Variants in EXOC4 observed in about 807,000 individuals in gnomAD.
EXOC4 encodes the protein exocyst complex component 4, also known as SEC8-like 1.
EXOC4 carries 71 observed loss-of-function variants against 107.2 expected under a neutral mutation model. That is an observed-to-expected ratio of 0.66 (90% CI 0.55 to 0.81). The LOEUF (loss-of-function observed/expected upper bound fraction) is 0.81. Ranked by LOEUF, EXOC4 falls within the 30% of genes least tolerant of loss-of-function variation. The pLI is 0.00. For synonymous variants in EXOC4, 456 were observed against 441.2 expected (o/e 1.03, Z -0.42); for missense variants, 1,108 against 1,189.6 (o/e 0.93, Z 1.01).
At chr7:134,039,331 C>A (rs1053214268) in intron 17 of EXOC4, among the ~76,000 whole-genome samples, 9 of 151,942 alleles carry the variant, frequency 5.9e-5, no homozygotes, top group Admixed American at 5.9e-4. Context: ...GTCCATAAAC[C>A]CCCAAAATTA....
chr7:133,391,604 T>A (rs560510811), intron 7 of EXOC4, among the ~76,000 whole-genome samples: 1 of 152,278 alleles, frequency 6.6e-6, no homozygotes, highest in African/African-American at 2.4e-5. Context: ...TGTTTAGGAA[T>A]GAGCATGGAA....
chr7:134,094,442 T>C, the EXOC4 span, among the ~76,000 whole-genome samples: 43 of 152,054 alleles, frequency 2.8e-4, 1 homozygote, highest in Non-Finnish European at 5.6e-4. Flanking sequence ...AACCAAAAAA[T>C]ATCCCAGACC....
chr7:134,059,096 A>G (rs1252906789), intron 17 of EXOC4, among the ~76,000 whole-genome samples: 1 of 152,210 alleles, frequency 6.6e-6, no homozygotes, highest in Non-Finnish European at 1.5e-5. Context: ...AGCTTTCCTC[A>G]GAGACCTTGG....
chr7:133,387,753 A>T (rs906809395), intron 7 of EXOC4, among the ~76,000 whole-genome samples: 1 of 152,194 alleles, frequency 6.6e-6, no homozygotes. Flanking sequence ...GGGAGCTAAG[A>T]CAAAACACAA....
chr7:133,720,054 G>A (rs775696745), intron 10 of EXOC4, among the ~76,000 whole-genome samples: 1 of 152,146 alleles, frequency 6.6e-6, no homozygotes, highest in Non-Finnish European at 1.5e-5. Flanking sequence ...ACCTCTTGGG[G>A]CAAGGTCTGT....
chr7:133,327,782 A>G (rs549684097), intron 5 of EXOC4, among the ~76,000 whole-genome samples: 3 of 152,168 alleles, frequency 2.0e-5, no homozygotes, highest in Admixed American at 6.5e-5. Flanking sequence ...TTCTAATTTG[A>G]TTGCACTGTG....
chr7:133,597,421 G>A (rs555485683), intron 9 of EXOC4, among the ~76,000 whole-genome samples: 13 of 152,178 alleles, frequency 8.5e-5, no homozygotes, highest in Non-Finnish European at 1.9e-4. Context: ...AGGCATGGTG[G>A]CACATGCCTT....
At chr7:133,972,907 G>A (rs1563076544) in intron 14 of EXOC4, among the ~76,000 whole-genome samples, 1 of 152,146 alleles carries the variant, frequency 6.6e-6, no homozygotes. Context: ...CCCTGCTGAG[G>A]GAACAGACAG....
chr7:133,896,653 A>T lies in EXOC4; in HGVS notation c.1871+918A>T, dbSNP rs868484357. Among the ~76,000 whole-genome samples the T allele has an allele frequency of 6.1e-5, 8 of 131,190 alleles. No individual in the cohort carries two copies. The Middle Eastern group carries it at 0.014, about 233-fold the overall frequency. The allele number at this position is 131,190 out of a possible 152,430, so 86.1% of individuals were successfully genotyped here. Reference sequence around the variant, plus strand: ...AGTTGCCCCCTATTTTATTTTATTTATTTTATTTATTTATTTATTCATTTA... The same window carrying T: ...AGTTGCCCCCTATTTTATTTTATTTTTTTTATTTATTTATTTATTCATTTA... On this transcript the variant is annotated intron_variant, in intron 12 of 17. Coordinates refer to ENST00000253861, the MANE Select transcript of EXOC4 (RefSeq NM_021807.4).
At chr7:133,262,714 C>G (rs1225686238) in intron 1 of EXOC4, among the ~76,000 whole-genome samples, 2 of 152,098 alleles carry the variant, frequency 1.3e-5, no homozygotes, top group African/African-American at 4.8e-5. Flanking sequence ...TGCATTTAAA[C>G]AAGATTCCCA....
chr7:134,051,910 C>T (rs541630377), intron 17 of EXOC4, among the ~76,000 whole-genome samples: 26 of 144,702 alleles, frequency 1.8e-4, no homozygotes, highest in Non-Finnish European at 3.6e-4. Flanking sequence ...GGCATGAACC[C>T]GGGAGGTAGA....
At chr7:133,368,735 C>T (rs1008600664) in intron 6 of EXOC4, among the ~76,000 whole-genome samples, 2 of 152,144 alleles carry the variant, frequency 1.3e-5, no homozygotes, top group Non-Finnish European at 2.9e-5. Context: ...AACTGTGATG[C>T]TGCATTGAGT....
At chr7:133,935,440 C>T (rs186741612) in intron 13 of EXOC4, among the ~76,000 whole-genome samples, 14 of 152,192 alleles carry the variant, frequency 9.2e-5, no homozygotes, top group Admixed American at 2.6e-4. Context: ...TTACCAAGAA[C>T]GCATGGGATA....
intron 10 of EXOC4, among the ~76,000 whole-genome samples, chr7:133,694,986 C>G (rs1009924667): frequency 6.6e-6 from 1 of 152,098 alleles, no homozygotes. Context: ...CCATGCCCGG[C>G]TAATTTTGTA....
At chr7:133,691,998 G>A (rs1794431354) in intron 10 of EXOC4, among the ~76,000 whole-genome samples, 1 of 152,094 alleles carries the variant, frequency 6.6e-6, no homozygotes. Flanking sequence ...CATCTCTGAT[G>A]GGAGGAAAAA....
chr7:133,537,297 C>CCG (rs1800289649), intron 9 of EXOC4, among the ~76,000 whole-genome samples: 1 of 81,238 alleles, frequency 1.2e-5, no homozygotes, highest in Admixed American at 1.1e-4. Context: ...ATTACAGGCA[C>CCG]CCCCCCCCCC....
At chr7:133,475,681 C>T (rs894901897) in intron 8 of EXOC4, among the ~76,000 whole-genome samples, 1 of 151,944 alleles carries the variant, frequency 6.6e-6, no homozygotes, top group Admixed American at 6.6e-5. Flanking sequence ...ACCTGGAACT[C>T]CTAATAAAAA....
chr7:133,555,319 A>G (rs1446805983), intron 9 of EXOC4, among the ~76,000 whole-genome samples: 1 of 152,208 alleles, frequency 6.6e-6, no homozygotes, highest in Non-Finnish European at 1.5e-5. Flanking sequence ...CTATAACTTT[A>G]TTCTTGTTAG....
intron 9 of EXOC4, among the ~76,000 whole-genome samples, chr7:133,485,490 C>A (rs979319047): frequency 6.6e-5 from 10 of 152,044 alleles, no homozygotes; most frequent in Admixed American, 1.3e-4. Flanking sequence ...AGCTGACCTC[C>A]ATGTCTGTGT....
Sources: gnomAD v4.1 joint callset for allele counts (sites outside exome capture counted in the v4.1 genomes callset) on GRCh38, gnomAD v4.1.1 for gene constraint, MANE v1.5 for transcripts, NCBI Gene and HGNC (gene_info 2026-07-23, HGNC 2026-07-21) for gene names.